The following MEIS1 variants were observed in gnomAD, a reference collection of about 807,000 sequenced individuals.
MEIS1 encodes the protein homeobox protein Meis1.
A neutral mutation model predicts 50.8 loss-of-function variants in MEIS1; 5 were observed. The ratio of observed to expected loss-of-function variants is 0.10; its 90% CI spans 0.05 to 0.21. The LOEUF is 0.21. Among genes scored for constraint, MEIS1 ranks in the 10% least tolerant of loss-of-function variants. The probability of loss-of-function intolerance (pLI) is 1.00; values close to 1 mark genes in which losing one functional copy is unlikely to be tolerated. For synonymous variants in MEIS1, 176 were observed against 179.3 expected, an observed-to-expected ratio of 0.98 and a Z score of 0.15; for missense variants, 318 against 517.3, an observed-to-expected ratio of 0.61 and a Z score of 3.74.
chr2:66,487,900 T>C (rs1489873481), intron 7 of MEIS1, among the ~76,000 whole-genome samples: 1 of 152,234 alleles, frequency 6.6e-6, no homozygotes, highest in Non-Finnish European at 1.5e-5. Flanking sequence ...TGAAGGTCAG[T>C]TAAGTTCCAC....
intron 9 of MEIS1, among the ~76,000 whole-genome samples, chr2:66,566,519 A>T (rs1156470757): frequency 6.6e-6 from 1 of 152,112 alleles, no homozygotes; most frequent in South Asian, 2.1e-4. Flanking sequence ...CATTTTCTGG[A>T]TTTGATACGT....
intron 7 of MEIS1, among the ~76,000 whole-genome samples, chr2:66,508,608 G>T (rs192112408): frequency 7.9e-5 from 12 of 152,236 alleles, no homozygotes; most frequent in African/African-American, 2.9e-4. Flanking sequence ...ATTTTCAGGA[G>T]CCTCTGGCCC....
chr2:66,504,647 G>A (rs1673644296), intron 7 of MEIS1, among the ~76,000 whole-genome samples: 1 of 152,138 alleles, frequency 6.6e-6, no homozygotes, highest in Non-Finnish European at 1.5e-5. Flanking sequence ...GCCATTTCTT[G>A]TTATAAGTGC....
intron 8 of MEIS1, among the ~76,000 whole-genome samples, chr2:66,532,980 T>C (rs533792910): frequency 1.2e-4 from 18 of 152,334 alleles, no homozygotes; most frequent in African/African-American, 4.3e-4. Context: ...CAATTAATTA[T>C]AACCATTGAT....
intron 9 of MEIS1, among the ~76,000 whole-genome samples, chr2:66,565,462 A>G (rs985310805): frequency 2.6e-5 from 4 of 152,136 alleles, no homozygotes; most frequent in Admixed American, 2.6e-4. Context: ...TTTAGTCTGG[A>G]TATTCTAGAT....
At chr2:66,546,813 A>G (rs903037264) in intron 8 of MEIS1, among the ~76,000 whole-genome samples, 1 of 152,176 alleles carries the variant, frequency 6.6e-6, no homozygotes, top group Non-Finnish European at 1.5e-5. Flanking sequence ...ATAGATATAG[A>G]GCATATTTAA....
At chr2:66,495,279 A>AT (rs1359612876) in intron 7 of MEIS1, among the ~76,000 whole-genome samples, 4 of 151,580 alleles carry the variant, frequency 2.6e-5, no homozygotes, top group African/African-American at 7.3e-5. Context: ...AAGGTTATGT[A>AT]TTTTTTTTAC....
At position 66,435,171 on chromosome 2, in the gene MEIS1, A is replaced by G. The variant is rs1671770505; in HGVS notation, c.-686A>G. ...TCCGCCTGTGCAACACACACTTTAC[A>G]CACGCACGGGGACTGCAAGCGGGCA... On this transcript the variant is annotated 5_prime_UTR_variant, in exon 1 of 13. Transcript: ENST00000272369. The G allele has an allele frequency of 1.3e-5, 2 of 152,408 alleles. No homozygotes were observed. 9.4% of individuals were successfully genotyped at this position (152,408 alleles called of 1,614,324 possible).
At chr2:66,513,054 TATA>T (rs1673872561) in intron 8 of MEIS1, among the ~76,000 whole-genome samples, 1 of 152,148 alleles carries the variant, frequency 6.6e-6, no homozygotes, top group Admixed American at 6.6e-5. Context: ...TCAAAATATT[TATA>T]ATAATAATAT....
intron 8 of MEIS1, among the ~76,000 whole-genome samples, chr2:66,532,212 G>A (rs1017456339): frequency 2.9e-4 from 44 of 151,934 alleles, no homozygotes; most frequent in African/African-American, 1.0e-3. Context: ...TTATTTTTTC[G>A]ATTCTCTACA....
intron 6 of MEIS1, among the ~76,000 whole-genome samples, chr2:66,446,657 T>C (rs1280113400): frequency 6.6e-6 from 1 of 152,254 alleles, no homozygotes; most frequent in Non-Finnish European, 1.5e-5. Flanking sequence ...CAGGACGCCC[T>C]GTTGCATGTT....
At chr2:66,478,913 G>A (rs565119334) in intron 7 of MEIS1, among the ~76,000 whole-genome samples, 1 of 152,290 alleles carries the variant, frequency 6.6e-6, no homozygotes, top group African/African-American at 2.4e-5. Context: ...TTGTTGGTGA[G>A]TAACTCTAGC....
chr2:66,442,021 T>C (rs886449941), intron 5 of MEIS1, among the ~76,000 whole-genome samples: 11 of 152,084 alleles, frequency 7.2e-5, no homozygotes, highest in Non-Finnish European at 2.9e-5. Context: ...GTTGTGTCAA[T>C]TTCTTGAATC....
rs1462316362 is a variant in MEIS1, at chr2:66,571,593, CTG to C, written c.*388_*389del. ...TCAAATCATGTTTTTTCTGCAATGA[CTG>C]TGGAGTTCCATTCTTGGCATCTACT... On this transcript the variant is annotated 3_prime_UTR_variant, in exon 13 of 13. Coordinates refer to ENST00000272369, the MANE Select transcript of MEIS1 (RefSeq NM_002398.3). 2 of 1,530,786 alleles carry C rather than the reference CTG, an allele frequency of 1.3e-6. No homozygotes were observed. The highest frequency in any genetic ancestry group is 1.4e-5 in the African/African-American group (1 of 72,640). 94.8% of individuals were successfully genotyped at this position (1,530,786 alleles called of 1,614,324 possible). A position where few individuals can be genotyped will look rare whatever the true frequency, so the allele number is the denominator to read the frequency against.
At chr2:66,459,178 TA>T (rs544397811) in intron 6 of MEIS1, among the ~76,000 whole-genome samples, 35 of 152,072 alleles carry the variant, frequency 2.3e-4, no homozygotes, top group African/African-American at 8.4e-4. Context: ...GTGCCTTAAA[TA>T]GCAAGAAGGA....
chr2:66,437,557 A>AT (rs922917828), intron 1 of MEIS1, 180 bp from the exon 2 acceptor site: 18 of 622,816 alleles, frequency 2.9e-5, no homozygotes, highest in South Asian at 6.0e-5. Flanking sequence ...AGAATTCTGT[A>AT]TTTTTTACTT....
intron 6 of MEIS1, among the ~76,000 whole-genome samples, chr2:66,451,443 A>G (rs570232858): frequency 6.6e-6 from 1 of 152,084 alleles, no homozygotes; most frequent in Admixed American, 6.5e-5. Context: ...TGAAGAGAGC[A>G]ATTTGACTGT....
rs911046233 is a variant in MEIS1 at position 66,553,284 on chromosome 2, C to T, written c.965+5265C>T. On this transcript the variant is annotated intron_variant, in intron 9 of 12. Transcript: ENST00000272369. Reference sequence around the variant, plus strand: ...TAATTGATCAATGGAGTAACAGGTGCGGTATATTAAAAAGAAAAAGGAGAA... The same window carrying T: ...TAATTGATCAATGGAGTAACAGGTGTGGTATATTAAAAAGAAAAAGGAGAA... Among the ~76,000 whole-genome samples the T allele has an allele frequency of 4.6e-5, 7 of 151,946 alleles. No individual in the cohort carries two copies. The South Asian group carries it at 8.3e-4, about 18-fold the overall frequency.
rs755829146 is a variant in MEIS1 at position 66,440,049 on chromosome 2, A to ACGCGCG, written c.381+78_381+83dup. 22 of 1,078,608 alleles carry ACGCGCG rather than the reference A, an allele frequency of 2.0e-5. No individual in the cohort carries two copies. In the African/African-American group the frequency reaches 3.3e-4, roughly 16 times the overall value. 66.8% of individuals were successfully genotyped at this position (1,078,608 alleles called of 1,614,324 possible). A position where few individuals can be genotyped will look rare whatever the true frequency, so the allele number is the denominator to read the frequency against. On this transcript the variant is annotated intron_variant, in intron 3 of 12. Transcript: ENST00000272369. ...GAGAGCCCCCCCTTCGCCAACACAC[A>ACGCGCG]CGCGCGCGCGCGCGCGCGAACACAC...
Sources: gnomAD v4.1 joint callset for allele counts (sites outside exome capture counted in the v4.1 genomes callset) on GRCh38, gnomAD v4.1.1 for gene constraint, MANE v1.5 for transcripts, NCBI Gene and HGNC (gene_info 2026-07-23, HGNC 2026-07-21) for gene names.